Variants in TCF4 observed in about 807,000 individuals in gnomAD.
The protein encoded by TCF4 is SL3-3 enhancer factor 2.
Under a neutral mutation model 82.1 loss-of-function variants are expected in TCF4, and 3 were observed. The observed-to-expected ratio is 0.04, with a 90% CI of 0.02 to 0.09. The LOEUF (loss-of-function observed/expected upper bound fraction) is 0.09, where lower values mean the gene tolerates loss of function less well. TCF4 is among the 10% of genes least tolerant of loss of function. The probability of loss-of-function intolerance (pLI) is 1.00; values close to 1 mark genes in which losing one functional copy is unlikely to be tolerated. For missense variants in TCF4, 518 were observed against 852.7 expected (o/e 0.61, Z 4.89); for synonymous variants, 276 against 309.6 (o/e 0.89, Z 1.14).
intron 2 of TCF4, among the ~76,000 whole-genome samples, chr18:55,596,807 G>T (rs1308380227): frequency 6.6e-6 from 1 of 151,916 alleles, no homozygotes; most frequent in Admixed American, 6.6e-5. Context: ...ATACAGTATA[G>T]TACATGCATA....
intron 3 of TCF4, among the ~76,000 whole-genome samples, chr18:55,537,050 C>G (rs1397951834): frequency 6.7e-6 from 1 of 149,858 alleles, no homozygotes; most frequent in Non-Finnish European, 1.5e-5. Context: ...AGGAGAATGG[C>G]ATGAACCTGG....
chr18:55,597,115 G>A (rs66485076), intron 2 of TCF4, among the ~76,000 whole-genome samples: 21,754 of 152,088 alleles, frequency 0.14, 2,025 homozygotes, highest in Admixed American at 0.28. Context: ...TGTGACTATA[G>A]GTTTCCTGAG....
intron 2 of TCF4, among the ~76,000 whole-genome samples, chr18:55,612,603 A>G (rs563944099): frequency 9.1e-4 from 139 of 152,278 alleles, no homozygotes; most frequent in Non-Finnish European, 1.6e-3. Context: ...TTTTGTGACA[A>G]TTTGGCTGTT....
intron 8 of TCF4, among the ~76,000 whole-genome samples, chr18:55,347,005 TA>T (rs1439357367): frequency 1.3e-5 from 2 of 152,316 alleles, no homozygotes; most frequent in East Asian, 3.9e-4. Flanking sequence ...TTAGGTTATA[TA>T]AAACAAATTT....
chr18:55,560,907 T>A (rs1329985961), intron 3 of TCF4, among the ~76,000 whole-genome samples: 1 of 152,244 alleles, frequency 6.6e-6, no homozygotes, highest in Non-Finnish European at 1.5e-5. Flanking sequence ...TTATGTAAGA[T>A]GATTTTCCTA....
chr18:55,262,523 A>G (rs2058275538), intron 11 of TCF4, among the ~76,000 whole-genome samples: 1 of 152,174 alleles, frequency 6.6e-6, no homozygotes, highest in South Asian at 2.1e-4. Flanking sequence ...GTGAAATAAG[A>G]AAAGGAAAGG....
chr18:55,580,581 G>A (rs1248864073), intron 3 of TCF4, among the ~76,000 whole-genome samples: 1 of 152,006 alleles, frequency 6.6e-6, no homozygotes, highest in Admixed American at 6.6e-5. Flanking sequence ...TAGTTTATTT[G>A]GATACAAAGG....
chr18:55,595,912 C>G (rs2097690405), intron 2 of TCF4, among the ~76,000 whole-genome samples: 1 of 152,066 alleles, frequency 6.6e-6, no homozygotes, highest in Non-Finnish European at 1.5e-5. Context: ...GTCTCGTTTT[C>G]CCTTGCATGT....
Position 55,501,706 on chromosome 18 carries a change from GA to G in TCF4, c.146-37570del, listed in dbSNP as rs776813034. 2.2e-3 allele frequency among the ~76,000 whole-genome samples: 318 copies of G among 142,398 alleles called. 2 individuals carry two copies. The highest frequency in any genetic ancestry group is 5.9e-3 in the African/African-American group (230 of 39,024). 93.4% of individuals were successfully genotyped at this position (142,398 alleles called of 152,430 possible). On this transcript the variant is annotated intron_variant, in intron 3 of 19. Coordinates refer to ENST00000354452, the MANE Select transcript of TCF4 (RefSeq NM_001083962.2). ...TTGAAAGGAAGCATCATCTTTGGGA[GA>G]AAAAAAAAAAACCTTCGCTGAAGAA...
chr18:55,377,883 G>A (rs753899035), intron 6 of TCF4, among the ~76,000 whole-genome samples: 2 of 152,138 alleles, frequency 1.3e-5, no homozygotes. Context: ...TAACTACTTT[G>A]TAGCTCTAGA....
chr18:55,628,683 T>C (rs1450618486), intron 2 of TCF4, among the ~76,000 whole-genome samples: 1 of 152,194 alleles, frequency 6.6e-6, no homozygotes, highest in Non-Finnish European at 1.5e-5. Flanking sequence ...GTGCAAAATA[T>C]TTTTCTAGGC....
In TCF4 at chr18:55,453,055, C is replaced by T. The variant is rs187479664; in HGVS notation, c.304+7964G>A. Among the ~76,000 whole-genome samples, 462 of 152,188 alleles carry T rather than the reference C, an allele frequency of 3.0e-3. 3 individuals carry two copies. Among genetic ancestry groups the T allele is most frequent in the African/African-American group, 0.01 (433 of 41,516 alleles). On this transcript the variant is annotated intron_variant, in intron 5 of 19. Coordinates refer to ENST00000354452, the MANE Select transcript of TCF4 (RefSeq NM_001083962.2). The stretch of plus-strand genomic sequence containing the variant: ...GAATTGAACACTGCAAGTTAGTAAG[C>T]CCAGTATGAGTCCCAAACTTGCTTC...
At chr18:55,496,906 A>G (rs1437998167) in intron 3 of TCF4, among the ~76,000 whole-genome samples, 3 of 151,862 alleles carry the variant, frequency 2.0e-5, no homozygotes, top group Non-Finnish European at 4.4e-5. Context: ...CAAAAAAAAA[A>G]AAAAAAAAAG....
intron 3 of TCF4, among the ~76,000 whole-genome samples, chr18:55,546,242 G>C (rs1410961027): frequency 1.3e-5 from 2 of 152,148 alleles, no homozygotes; most frequent in Non-Finnish European, 2.9e-5. Context: ...AGGAGGCTGA[G>C]GTGGGAGGAT....
intron 3 of TCF4, among the ~76,000 whole-genome samples, chr18:55,467,273 C>T (rs995122173): frequency 2.6e-5 from 4 of 152,028 alleles, no homozygotes; most frequent in African/African-American, 7.3e-5. Flanking sequence ...TTCCATCTTC[C>T]CTCTCCTTGA....
At chr18:55,395,862 T>G (rs1569351853) in intron 6 of TCF4, among the ~76,000 whole-genome samples, 1 of 152,200 alleles carries the variant, frequency 6.6e-6, no homozygotes, top group Non-Finnish European at 1.5e-5. Context: ...GAAATCCTCA[T>G]TGGTTTTAAG....
Position 55,226,853 on chromosome 18 carries a change from C to G in TCF4, c.*1182G>C, listed in dbSNP as rs939245153. 1 of 152,482 alleles carries G rather than the reference C, an allele frequency of 6.6e-6. No individual in the cohort carries two copies. The highest frequency in any genetic ancestry group is 1.5e-5 in the Non-Finnish European group (1 of 68,012). The allele number at this position is 152,482 out of a possible 1,614,324, so 9.4% of individuals were successfully genotyped here. On this transcript the variant is annotated 3_prime_UTR_variant, in exon 20 of 20. Transcript: ENST00000354452. ...AGAAACGCCTCACTGCACACTACTT[C>G]GGCTACACAGGTAGGTAACACTTTA...
At chr18:55,380,995 T>C (rs966425000) in intron 6 of TCF4, among the ~76,000 whole-genome samples, 4 of 152,226 alleles carry the variant, frequency 2.6e-5, no homozygotes, top group African/African-American at 7.2e-5. Flanking sequence ...GTTAGCATTA[T>C]GTTATTCTTG....
intron 5 of TCF4, among the ~76,000 whole-genome samples, chr18:55,429,789 A>AC (rs2095128918): frequency 6.6e-6 from 1 of 150,396 alleles, no homozygotes. Flanking sequence ...AAAAAAAAAA[A>AC]CAATTTGGTC....
Sources: allele counts gnomAD v4.1 joint callset (sites outside exome capture counted in the v4.1 genomes callset), GRCh38; gene constraint gnomAD v4.1.1; transcripts MANE v1.5; gene names NCBI Gene and HGNC (gene_info 2026-07-23, HGNC 2026-07-21).